Variants in TK2 observed in about 807,000 individuals in gnomAD.
The protein encoded by TK2 is thymidine kinase 2, also known as thymidine kinase 2, mitochondrial.
In TK2, 35 loss-of-function variants were observed where a neutral mutation model predicts 41.9. The ratio of observed to expected loss-of-function variants is 0.84; its 90% CI spans 0.64 to 1.11. The LOEUF is 1.11. TK2 is among the 50% of genes least tolerant of loss of function. The pLI is 0.00. For missense variants in TK2, 320 were observed against 351.1 expected (o/e 0.91, Z 0.71); for synonymous variants, 128 against 129.1 (o/e 0.99, Z 0.06).
At chr16:66,543,524 A>AG (rs1209374130) in intron 2 of TK2, among the ~76,000 whole-genome samples, 2 of 152,162 alleles carry the variant, frequency 1.3e-5, no homozygotes, top group Non-Finnish European at 2.9e-5. Flanking sequence ...GACATCCTCC[A>AG]GGGGCACACA....
rs924928820 is a variant in TK2, at chr16:66,509,187, T to C, written c.*2781A>G. The C allele has an allele frequency of 1.3e-5, 2 of 152,036 alleles. No homozygotes were observed. Among genetic ancestry groups the C allele is most frequent in the African/African-American group, 4.8e-5 (2 of 41,366 alleles). 9.4% of individuals were successfully genotyped at this position (152,036 alleles called of 1,614,324 possible). ...CATTACCAGCATCTGGATTAAAGAG[T>C]GGATGGGGAGCAGTGGGCTCTGATG... On this transcript the variant is annotated 3_prime_UTR_variant, in exon 10 of 10. Coordinates refer to ENST00000544898, the MANE Select transcript of TK2 (RefSeq NM_004614.5).
intron 9 of TK2, among the ~76,000 whole-genome samples, chr16:66,513,005 A>C (rs1446612718): frequency 6.6e-6 from 1 of 152,144 alleles, no homozygotes; most frequent in Non-Finnish European, 1.5e-5. Context: ...CCCATGTTGT[A>C]TATGTAACCA....
In TK2 at chr16:66,547,175, T is replaced by C. The variant is rs561987302; in HGVS notation, c.156+1803A>G. ...CCATCCACCCAGACACCTTTAACAC[T>C]CTGGACATCTCTCCTCACCCACCAA... On this transcript the variant is annotated intron_variant, in intron 2 of 9. Transcript: ENST00000544898. Among the ~76,000 whole-genome samples the C allele has an allele frequency of 6.6e-5, 10 of 152,228 alleles. No homozygotes were observed. The South Asian group carries it at 2.1e-3, about 32-fold the overall frequency.
At chr16:66,526,942 G>A (rs1190285448) in intron 6 of TK2, among the ~76,000 whole-genome samples, 1 of 152,224 alleles carries the variant, frequency 6.6e-6, no homozygotes, top group African/African-American at 2.4e-5. Context: ...CTGGAGTGCA[G>A]TGGCGCAATC....
intron 6 of TK2, among the ~76,000 whole-genome samples, chr16:66,523,984 G>A (rs1405330442): frequency 6.6e-6 from 1 of 152,146 alleles, no homozygotes. Context: ...TGTGGCTCTG[G>A]CTAAAAATAC....
intron 4 of TK2, among the ~76,000 whole-genome samples, chr16:66,532,968 G>C (rs902886216): frequency 6.6e-6 from 1 of 152,054 alleles, no homozygotes; most frequent in Non-Finnish European, 1.5e-5. Flanking sequence ...CACACTGCCT[G>C]ACTTCATAAC....
In TK2 at chr16:66,549,971, G is replaced by C. The variant is rs1420706804; in HGVS notation, c.91C>G (p.Pro31Ala). The C allele has an allele frequency of 6.7e-7, 1 of 1,482,050 alleles. No individual in the cohort carries two copies. The highest frequency in any genetic ancestry group is 8.9e-7 in the Non-Finnish European group (1 of 1,125,620). The allele number at this position is 1,482,050 out of a possible 1,614,324, so 91.8% of individuals were successfully genotyped here. The change falls in exon 1 of 10, where the codon CCG becomes GCG. Residue 31 changes from proline to alanine, a missense_variant. By Grantham distance (27) the Pro-to-Ala change is conservative (BLOSUM62 -1). Transcript: ENST00000544898. Reference protein sequence around the residue: ...SRGSPASGPGPRRVQRRAWPP... With the variant: ...SRGSPASGPGARRVQRRAWPP... ...CAGGCCCGGCGCTGCACCCTCCGCG[G>C]CCCGGGGCCTGAGGCCGGGCTCCCG...
At chr16:66,518,004 TC>T in intron 6 of TK2, 127 bp from the exon 7 acceptor site, 1 of 795,850 alleles carries the variant, frequency 1.3e-6, no homozygotes, top group South Asian at 1.4e-5. Flanking sequence ...CACAGTGTGA[TC>T]CGTGCAATAC....
chr16:66,546,224 T>C (rs1365075137), intron 2 of TK2, among the ~76,000 whole-genome samples: 1 of 152,138 alleles, frequency 6.6e-6, no homozygotes, highest in Admixed American at 6.5e-5. Context: ...AGCCAGACCT[T>C]GTCTCAAAAA....
chr16:66,533,335 C>CAAAAAAA (rs57612451), intron 4 of TK2, among the ~76,000 whole-genome samples: 4 of 45,082 alleles, frequency 8.9e-5, no homozygotes, highest in African/African-American at 1.4e-4. Context: ...GACTCCATCT[C>CAAAAAAA]AAAAAAAAAA....
chr16:66,548,761 T>G, intron 2 of TK2: 1 of 568,362 alleles, frequency 1.8e-6, no homozygotes, highest in South Asian at 2.1e-5. Context: ...TACAAATACT[T>G]GTGTGCTCCT....
chr16:66,529,226 C>A (rs1003230846), intron 5 of TK2, among the ~76,000 whole-genome samples, 159 bp from the exon 6 acceptor site: 3 of 152,220 alleles, frequency 2.0e-5, no homozygotes, highest in African/African-American at 7.2e-5. Flanking sequence ...CACTCCCCTG[C>A]CGGGAGGAGA....
chr16:66,512,250 A>G (rs1964472917), intron 9 of TK2, among the ~76,000 whole-genome samples, 184 bp from the exon 10 acceptor site: 1 of 152,200 alleles, frequency 6.6e-6, no homozygotes. Flanking sequence ...TACATTTCCA[A>G]TGAGGTTTTC....
chr16:66,550,087 C>T lies in TK2; in HGVS notation c.-26G>A, dbSNP rs1301622752. ...AGCCGGGCGAGCGGATCCAGAGGCC[C>T]GGGGTTCCTTCTTGTGCGAGTCGGC... is the stretch of plus-strand genomic sequence containing the variant. On this transcript the variant is annotated 5_prime_UTR_variant, in exon 1 of 10. Coordinates refer to ENST00000544898, the MANE Select transcript of TK2 (RefSeq NM_004614.5). The T allele has an allele frequency of 1.2e-6, 2 of 1,603,126 alleles. No individual in the cohort carries two copies. Among genetic ancestry groups the T allele is most frequent in the South Asian group, 1.1e-5 (1 of 89,352 alleles).
Position 66,511,203 on chromosome 16 carries a change from A to G in TK2, c.*765T>C, listed in dbSNP as rs880530. ...GACTGAGCACCCTTCAGGAGCCAGC[A>G]TGTGAATCTCAATGTCCACATGAAG... On this transcript the variant is annotated 3_prime_UTR_variant, in exon 10 of 10. Coordinates refer to ENST00000544898, the MANE Select transcript of TK2 (RefSeq NM_004614.5). The G allele has an allele frequency of 0.13, 19,887 of 153,138 alleles. 2,433 individuals are homozygous for G. Among genetic ancestry groups the G allele is most frequent in the African/African-American group, 0.32 (13,192 of 41,474 alleles). The allele number at this position is 153,138 out of a possible 1,614,324, so 9.5% of individuals were successfully genotyped here.
chr16:66,516,874 G>A (rs995348945), intron 8 of TK2, among the ~76,000 whole-genome samples: 3 of 151,984 alleles, frequency 2.0e-5, no homozygotes, highest in African/African-American at 7.2e-5. Flanking sequence ...GGGGCAGGTG[G>A]GGAGGGGAGG....
In TK2 at chr16:66,549,989, G is replaced by A. The variant is rs1295031957; in HGVS notation, c.73C>T (p.Pro25Ser). Residue 25 changes from proline (P) to serine (S), a missense_variant, in exon 1 of 10, where the codon CCG becomes TCG. Coordinates refer to ENST00000544898, the MANE Select transcript of TK2 (RefSeq NM_004614.5). Reference sequence around the variant, plus strand: ...CTCCGCGGCCCGGGGCCTGAGGCCGGGCTCCCGCGACTTCCCGGCCCAAAG... The same window carrying A: ...CTCCGCGGCCCGGGGCCTGAGGCCGAGCTCCCGCGACTTCCCGGCCCAAAG... ...RCFGPGSRGS[P>S]ASGPGPRRVQ... 1 of 1,516,822 alleles carries A rather than the reference G, an allele frequency of 6.6e-7. No homozygotes were observed. The highest frequency in any genetic ancestry group is 1.2e-5 in the South Asian group (1 of 80,860). The allele number at this position is 1,516,822 out of a possible 1,614,324, so 94.0% of individuals were successfully genotyped here. A position where few individuals can be genotyped will look rare whatever the true frequency, so the allele number is the denominator to read the frequency against.
chr16:66,549,697 C>G lies in TK2; in HGVS notation c.124+241G>C, dbSNP rs1025845755. The G allele has an allele frequency of 3.2e-6, 4 of 1,252,994 alleles. No homozygotes were observed. In the African/African-American group the frequency reaches 6.3e-5, roughly 20 times the overall value. The allele number at this position is 1,252,994 out of a possible 1,614,324, so 77.6% of individuals were successfully genotyped here. ...TTGGGCCGGAATGTTCAGAGCGTGT[C>G]CGTCCTGCTCTTTAAAGGCCCTCTC... is the stretch of plus-strand genomic sequence containing the variant. On this transcript the variant is annotated intron_variant, in intron 1 of 9. Transcript: ENST00000544898.
At chr16:66,541,605 T>G (rs922130255) in intron 3 of TK2, among the ~76,000 whole-genome samples, 38 of 152,208 alleles carry the variant, frequency 2.5e-4, no homozygotes, top group African/African-American at 8.9e-4. Context: ...TTTGTAGAGA[T>G]GGGGTCTCGC....
Sources: allele counts gnomAD v4.1 joint callset (sites outside exome capture counted in the v4.1 genomes callset), GRCh38; gene constraint gnomAD v4.1.1; transcripts MANE v1.5; gene names NCBI Gene and HGNC (gene_info 2026-07-23, HGNC 2026-07-21).